CYFIP1: variants seen among roughly 807,000 people sequenced by gnomAD.
The protein encoded by CYFIP1 is cytoplasmic FMR1-interacting protein 1.
A neutral mutation model predicts 163.5 loss-of-function variants in CYFIP1; 58 were observed. That is an observed-to-expected ratio of 0.35 (90% CI 0.29 to 0.44). CYFIP1 has a LOEUF of 0.44. Among genes scored for constraint, CYFIP1 ranks in the 20% least tolerant of loss-of-function variants. The pLI is 1.00. For synonymous variants in CYFIP1, 663 were observed against 660.7 expected, an observed-to-expected ratio of 1.00 and a Z score of -0.05; for missense variants, 1,338 against 1,653.8, an observed-to-expected ratio of 0.81 and a Z score of 3.31.
At chr15:22,895,155 C>T (rs960278759) in intron 22 of CYFIP1, among the ~76,000 whole-genome samples, 1 of 152,024 alleles carries the variant, frequency 6.6e-6, no homozygotes, top group African/African-American at 2.4e-5. Flanking sequence ...GCTGGGACTA[C>T]AGGCGCCCGC....
chr15:22,946,737 G>A (rs1396988264), intron 3 of CYFIP1: 8 of 633,508 alleles, frequency 1.3e-5, no homozygotes, highest in Non-Finnish European at 2.3e-5. Context: ...GATCTGGAGA[G>A]GGAATGAGCA....
intron 28 of CYFIP1, 110 bp from the exon 29 acceptor site, chr15:22,873,839 T>A: frequency 1.1e-6 from 1 of 951,914 alleles, no homozygotes; most frequent in Non-Finnish European, 1.6e-6. Context: ...CTGCCTAGGC[T>A]GGAGTGCAGT....
Position 22,882,964 on chromosome 15 carries a change from G to T in CYFIP1, c.2724C>A (p.Phe908Leu), listed in dbSNP as rs145238748. 6.2e-7 allele frequency: 1 copy of T among 1,614,040 alleles called. No homozygotes were observed. The highest frequency in any genetic ancestry group is 1.3e-5 in the African/African-American group (1 of 75,024). The change falls in exon 24 of 31, where the codon TTC (phenylalanine) becomes TTA (leucine). Residue 908 changes from phenylalanine to leucine, a missense_variant. Phe to Leu is a conservative substitution (Grantham distance 22). Transcript: ENST00000617928. ...YSSIYGSYRNFVGPPHFQVIC... is the reference protein window; with the variant it reads ...YSSIYGSYRNLVGPPHFQVIC... ...TGACTTGAAAGTGTGGAGGTCCCAC[G>T]AAGTTCCGGTAGCTGCCGTAAATGC...
At chr15:22,948,933 G>C (rs1159769911) in intron 1 of CYFIP1, among the ~76,000 whole-genome samples, 1 of 151,914 alleles carries the variant, frequency 6.6e-6, no homozygotes, top group Non-Finnish European at 1.5e-5. Flanking sequence ...CAGGACAAGA[G>C]AGAAGGTCTA....
chr15:22,979,685 C>T, intron 1 of CYFIP1, among the ~76,000 whole-genome samples: 1 of 152,290 alleles, frequency 6.6e-6, no homozygotes, highest in Non-Finnish European at 1.5e-5. Context: ...ATACACAATT[C>T]AGATGCTTGT....
chr15:22,878,484 C>T (rs1297636444), intron 26 of CYFIP1, among the ~76,000 whole-genome samples: 1 of 152,026 alleles, frequency 6.6e-6, no homozygotes, highest in African/African-American at 2.4e-5. Flanking sequence ...TGGGTCTCCA[C>T]AGAGAGAAAG....
At position 22,927,896 on chromosome 15, in the gene CYFIP1, C is replaced by G. The variant is rs370963158; in HGVS notation, c.1233+10G>C. On this transcript the variant is annotated intron_variant, in intron 12 of 30. Coordinates refer to ENST00000617928, the MANE Select transcript of CYFIP1 (RefSeq NM_014608.6). ...TTTGGAGCGGGGCTGGGGTCGGGGACGGGGCCTACCACTTCCATCACGTGC... is the reference window on the plus strand; with the variant it reads ...TTTGGAGCGGGGCTGGGGTCGGGGAGGGGGCCTACCACTTCCATCACGTGC... 5.6e-6 allele frequency: 9 copies of G among 1,595,900 alleles called. No individual in the cohort carries two copies. The highest frequency in any genetic ancestry group is 6.0e-6 in the Non-Finnish European group (7 of 1,174,716).
In CYFIP1 at chr15:22,916,732, C is replaced by CCTGGT. The variant is rs764496069; in HGVS notation, c.1675-107_1675-103dup. On this transcript the variant is annotated intron_variant, in intron 15 of 30. Coordinates refer to ENST00000617928, the MANE Select transcript of CYFIP1 (RefSeq NM_014608.6). ...TGAGAGAAGGACTGCTCCGCTACGC[C>CCTGGT]CTGGTCGGGAGGGCCCCGCACCAGC... The CCTGGT allele has an allele frequency of 9.3e-6, 15 of 1,613,366 alleles. No homozygotes were observed. In the South Asian group the frequency reaches 1.6e-4, roughly 18 times the overall value.
At chr15:22,945,347 C>T (rs1165628120) in intron 3 of CYFIP1, among the ~76,000 whole-genome samples, 2 of 152,158 alleles carry the variant, frequency 1.3e-5, no homozygotes, top group Non-Finnish European at 2.9e-5. Context: ...CAGGGCCTCC[C>T]GGTCCCAGAG....
intron 22 of CYFIP1, among the ~76,000 whole-genome samples, chr15:22,901,473 C>CT (rs2060390472): frequency 6.6e-6 from 1 of 152,218 alleles, no homozygotes; most frequent in Non-Finnish European, 1.5e-5. Flanking sequence ...CAGTTGCCGC[C>CT]TTGGGCTCCA....
intron 1 of CYFIP1, among the ~76,000 whole-genome samples, chr15:22,962,398 T>C (rs973125194): frequency 7.4e-5 from 10 of 134,476 alleles, no homozygotes; most frequent in Non-Finnish European, 1.2e-4. Context: ...TCTTCTTTTT[T>C]TTCTTTTTTT....
intron 1 of CYFIP1, among the ~76,000 whole-genome samples, chr15:22,964,403 A>C (rs1385162939): frequency 2.9e-5 from 4 of 137,202 alleles, no homozygotes; most frequent in East Asian, 2.2e-4. Flanking sequence ...ACACACACAC[A>C]CACACCCGGC....
At chr15:22,966,260 C>A (rs1334579166) in intron 1 of CYFIP1, among the ~76,000 whole-genome samples, 1 of 151,768 alleles carries the variant, frequency 6.6e-6, no homozygotes, top group Non-Finnish European at 1.5e-5. Context: ...GAAATCCCAG[C>A]TACTCAGAAG....
intron 12 of CYFIP1, among the ~76,000 whole-genome samples, 162 bp from the exon 13 acceptor site, chr15:22,926,269 G>A (rs1389807408): frequency 6.6e-6 from 1 of 152,158 alleles, no homozygotes; most frequent in African/African-American, 2.4e-5. Flanking sequence ...CTCCACAGAT[G>A]GGCAAAAGAC....
intron 10 of CYFIP1, among the ~76,000 whole-genome samples, chr15:22,932,587 C>T (rs113188217): frequency 5.3e-5 from 8 of 152,296 alleles, no homozygotes; most frequent in South Asian, 2.1e-4. Flanking sequence ...GATGCAACTT[C>T]GTTTGTCAAA....
intron 1 of CYFIP1, among the ~76,000 whole-genome samples, chr15:22,966,476 G>A (rs1360981716): frequency 6.6e-6 from 1 of 151,770 alleles, no homozygotes; most frequent in Non-Finnish European, 1.5e-5. Context: ...AAGGAGACAG[G>A]CCACAGAGGG....
intron 26 of CYFIP1, 92 bp from the exon 27 acceptor site, chr15:22,875,363 C>A: frequency 9.5e-7 from 1 of 1,055,288 alleles, no homozygotes; most frequent in South Asian, 1.3e-5. Context: ...TGCCTTTTAG[C>A]ATAAAATAAA....
At chr15:22,946,971 C>A (rs111647124) in intron 3 of CYFIP1, 32 bp downstream of exon 3, 2 of 1,579,678 alleles carry the variant, frequency 1.3e-6, no homozygotes, top group Non-Finnish European at 1.7e-6. Context: ...CCCTTCTCTG[C>A]AGAGAGAAAC....
rs1184499084 is a variant in CYFIP1 at position 22,868,799 on chromosome 15, T to TGAAG, written c.*1225_*1228dup. On this transcript the variant is annotated 3_prime_UTR_variant, in exon 31 of 31. Transcript: ENST00000617928. ...CATCCATAGAAAATTTTAAAATTGG[T>TGAAG]GAAGGTTGCAATACTCCAAATAATG... The TGAAG allele has an allele frequency of 6.6e-6, 1 of 152,166 alleles. No individual in the cohort carries two copies. The highest frequency in any genetic ancestry group is 2.4e-5 in the African/African-American group (1 of 41,436). The allele number at this position is 152,166 out of a possible 1,614,324, so 9.4% of individuals were successfully genotyped here. A position where few individuals can be genotyped will look rare whatever the true frequency, so the allele number is the denominator to read the frequency against.
Sources: allele counts gnomAD v4.1 joint callset (sites outside exome capture counted in the v4.1 genomes callset), GRCh38; gene constraint gnomAD v4.1.1; transcripts MANE v1.5; gene names NCBI Gene and HGNC (gene_info 2026-07-23, HGNC 2026-07-21).